MGRN1: variants seen among roughly 807,000 people sequenced by gnomAD.
MGRN1 encodes the protein mahogunin ring finger 1.
Under a neutral mutation model 69.2 loss-of-function variants are expected in MGRN1, and 29 were observed. That is an observed-to-expected ratio of 0.42 (90% CI 0.31 to 0.57). MGRN1 has a LOEUF of 0.57. MGRN1 is among the 20% of genes least tolerant of loss of function. The pLI is 0.15. For synonymous variants in MGRN1, 470 were observed against 344.2 expected (o/e 1.37, Z -4.04); for missense variants, 998 against 796.2 (o/e 1.25, Z -3.05).
rs747903123 is a variant in MGRN1, at chr16:4,682,952, G to GC, written c.1482+13dup. The GC allele has an allele frequency of 7.0e-5, 109 of 1,552,758 alleles. No individual in the cohort carries two copies. The highest frequency in any genetic ancestry group is 2.5e-4 in the East Asian group (11 of 43,330). Reference sequence around the variant, plus strand: ...GGGAAAGCAGCTCCCCTGAGGTGAGGCCCCCCCGGGGAAGCTTTGCGCACC... The same window carrying GC: ...GGGAAAGCAGCTCCCCTGAGGTGAGGCCCCCCCCGGGGAAGCTTTGCGCACC... On this transcript the variant is annotated splice_region_variant and intron_variant, in intron 14 of 16. Coordinates refer to ENST00000262370, the MANE Select transcript of MGRN1 (RefSeq NM_015246.4).
intron 7 of MGRN1, among the ~76,000 whole-genome samples, chr16:4,665,768 C>A (rs1479153452): frequency 2.0e-5 from 3 of 150,112 alleles, no homozygotes; most frequent in Admixed American, 1.3e-4. Flanking sequence ...CTCCCAGGTT[C>A]AAGCGATTCT....
At chr16:4,666,576 C>T (rs1217557357) in intron 7 of MGRN1, among the ~76,000 whole-genome samples, 3 of 152,196 alleles carry the variant, frequency 2.0e-5, no homozygotes, top group Non-Finnish European at 4.4e-5. Flanking sequence ...ACTGCCTTCG[C>T]CCTGGGGTGT....
At chr16:4,650,145 A>T in intron 1 of MGRN1, 1 of 447,030 alleles carries the variant, frequency 2.2e-6, no homozygotes, top group Non-Finnish European at 4.1e-6. Context: ...TCCACTAAGA[A>T]TACAAAAATC....
At chr16:4,668,574 CAT>C (rs2078860912) in intron 8 of MGRN1, among the ~76,000 whole-genome samples, 4 of 151,390 alleles carry the variant, frequency 2.6e-5, no homozygotes, top group Non-Finnish European at 5.9e-5. Flanking sequence ...CGCACACACT[CAT>C]ACAGACACGA....
At chr16:4,683,598 T>G (rs1596318907) in intron 15 of MGRN1, among the ~76,000 whole-genome samples, 2 of 145,940 alleles carry the variant, frequency 1.4e-5, no homozygotes, top group Admixed American at 6.8e-5. Context: ...CAGGACACAG[T>G]GTAAAAAAGG....
At chr16:4,634,971 C>T (rs373912746) in intron 1 of MGRN1, 4 of 152,334 alleles carry the variant, frequency 2.6e-5, no homozygotes, top group African/African-American at 7.2e-5. Flanking sequence ...ACAGGGCTCT[C>T]GCCCCGCGGA....
At chr16:4,652,316 G>T (rs1287275273) in intron 3 of MGRN1, among the ~76,000 whole-genome samples, 1 of 152,128 alleles carries the variant, frequency 6.6e-6, no homozygotes, top group African/African-American at 2.4e-5. Flanking sequence ...GGCATCTCAG[G>T]TGGGTGCCAG....
At chr16:4,659,762 G>T (rs2078634321) in intron 5 of MGRN1, among the ~76,000 whole-genome samples, 1 of 152,238 alleles carries the variant, frequency 6.6e-6, no homozygotes. Context: ...AAAAACATTT[G>T]GTCTGGTTTA....
At chr16:4,662,443 G>C (rs955980787) in intron 5 of MGRN1, among the ~76,000 whole-genome samples, 9 of 151,856 alleles carry the variant, frequency 5.9e-5, no homozygotes, top group Non-Finnish European at 7.4e-5. Flanking sequence ...TTGAACCCAG[G>C]GGGTGGAGGT....
At chr16:4,659,747 G>A (rs1046819320) in intron 5 of MGRN1, among the ~76,000 whole-genome samples, 36 of 152,250 alleles carry the variant, frequency 2.4e-4, no homozygotes, top group African/African-American at 8.4e-4. Context: ...GGATGCAAGT[G>A]ACAGAAAAAC....
chr16:4,660,465 C>T (rs1005695259), intron 5 of MGRN1, among the ~76,000 whole-genome samples: 1 of 152,218 alleles, frequency 6.6e-6, no homozygotes, highest in East Asian at 1.9e-4. Context: ...CTGTCAGCAC[C>T]TAGTTTCTGC....
intron 10 of MGRN1, among the ~76,000 whole-genome samples, chr16:4,673,878 C>T (rs932168641): frequency 6.6e-6 from 1 of 152,272 alleles, no homozygotes; most frequent in Non-Finnish European, 1.5e-5. Flanking sequence ...ATCTTCACGT[C>T]TGCCTCCAGC....
At chr16:4,683,140 G>T in intron 14 of MGRN1, 84 bp from the exon 15 acceptor site, 1 of 1,573,432 alleles carries the variant, frequency 6.4e-7, no homozygotes, top group South Asian at 1.1e-5. Flanking sequence ...GCGGTCCCGG[G>T]AGGGCCGTGC....
Position 4,688,679 on chromosome 16 carries a change from C to T in MGRN1, c.1619-117C>T, listed in dbSNP as rs776639504. On this transcript the variant is annotated intron_variant, in intron 16 of 16. Coordinates refer to ENST00000262370, the MANE Select transcript of MGRN1 (RefSeq NM_015246.4). ...GAGTGAATGCTGTTGTGGCCACAGG[C>T]GGCGGGAGTGGGGGTGCTGGATGGC... 8.1e-5 allele frequency: 117 copies of T among 1,448,480 alleles called. 2 individuals carry two copies. The Middle Eastern group carries it at 8.5e-4, about 10-fold the overall frequency. The allele number at this position is 1,448,480 out of a possible 1,614,324, so 89.7% of individuals were successfully genotyped here.
At chr16:4,683,113 C>T (rs1050564401) in intron 14 of MGRN1, 111 bp from the exon 15 acceptor site, 6 of 1,529,064 alleles carry the variant, frequency 3.9e-6, no homozygotes, top group African/African-American at 1.4e-5. Context: ...GGCAGCACCC[C>T]CTGGTGGAGC....
intron 9 of MGRN1, among the ~76,000 whole-genome samples, chr16:4,671,986 G>C (rs1194454755): frequency 6.6e-6 from 1 of 152,120 alleles, no homozygotes; most frequent in Non-Finnish European, 1.5e-5. Flanking sequence ...GCTCACTGTG[G>C]CCTCCGCCTC....
chr16:4,668,213 C>G (rs2078848985), intron 7 of MGRN1, 52 bp from the exon 8 acceptor site: 3 of 1,582,430 alleles, frequency 1.9e-6, no homozygotes, highest in Non-Finnish European at 2.6e-6. Flanking sequence ...CGCAGGGGTG[C>G]TCAGAGGCGC....
intron 1 of MGRN1, among the ~76,000 whole-genome samples, chr16:4,629,998 C>A (rs1261214670): frequency 1.5e-5 from 2 of 137,254 alleles, no homozygotes; most frequent in East Asian, 4.5e-4. Context: ...TGCAGTGAGC[C>A]AAGATCATGC....
At chr16:4,638,934 C>T (rs575950700) in intron 1 of MGRN1, among the ~76,000 whole-genome samples, 74 of 152,262 alleles carry the variant, frequency 4.9e-4, no homozygotes, top group African/African-American at 1.7e-3. Context: ...GGCAGACATG[C>T]TGGGTGTCTT....
Sources: gnomAD v4.1 joint callset for allele counts (sites outside exome capture counted in the v4.1 genomes callset) on GRCh38, gnomAD v4.1.1 for gene constraint, MANE v1.5 for transcripts, NCBI Gene and HGNC (gene_info 2026-07-23, HGNC 2026-07-21) for gene names.